Variants in ROBO1 observed in about 807,000 individuals in gnomAD.
ROBO1 encodes roundabout guidance receptor 1, also known as roundabout homolog 1.
A neutral mutation model predicts 195.9 loss-of-function variants in ROBO1; 149 were observed. That is an observed-to-expected ratio of 0.76 (90% CI 0.67 to 0.87). ROBO1 has a LOEUF of 0.87. Among genes scored for constraint, ROBO1 ranks in the 40% least tolerant of loss-of-function variants. The pLI is 0.00. For synonymous variants in ROBO1, 816 were observed against 733.2 expected (o/e 1.11, Z -1.82); for missense variants, 1,933 against 2,068.3 (o/e 0.93, Z 1.27).
intron 2 of ROBO1, among the ~76,000 whole-genome samples, chr3:79,466,884 G>T (rs1937988320): frequency 6.6e-6 from 1 of 152,176 alleles, no homozygotes; most frequent in South Asian, 2.1e-4. Context: ...TTCAGGAACT[G>T]ATTGGAATAT....
intron 2 of ROBO1, among the ~76,000 whole-genome samples, chr3:79,409,626 C>T (rs1443798566): frequency 6.6e-6 from 1 of 152,108 alleles, no homozygotes; most frequent in Admixed American, 6.6e-5. Context: ...CACTGAAACT[C>T]TTCACTGCAA....
At chr3:79,377,155 C>G (rs1206626540) in intron 2 of ROBO1, among the ~76,000 whole-genome samples, 2 of 151,894 alleles carry the variant, frequency 1.3e-5, no homozygotes, top group Non-Finnish European at 2.9e-5. Flanking sequence ...TTATTTTCAT[C>G]TTTATATTGT....
intron 4 of ROBO1, among the ~76,000 whole-genome samples, chr3:78,869,723 T>A (rs2035434943): frequency 6.6e-6 from 1 of 152,084 alleles, no homozygotes; most frequent in South Asian, 2.1e-4. Context: ...CCTCCTTAAG[T>A]GCTGGGGTTA....
rs563677106 is a variant in ROBO1, at chr3:79,587,458, A to T, written c.88+2366T>A. Among the ~76,000 whole-genome samples the T allele has an allele frequency of 5.3e-5, 8 of 151,956 alleles. No individual in the cohort carries two copies. The South Asian group carries it at 1.7e-3, about 31-fold the overall frequency. ...CTGATGATAACTCACTGAGTCAAGTACTACAGAATATAAAATTCTCCTTAT... is the reference window on the plus strand; with the variant it reads ...CTGATGATAACTCACTGAGTCAAGTTCTACAGAATATAAAATTCTCCTTAT... On this transcript the variant is annotated intron_variant, in intron 2 of 30. Transcript: ENST00000464233.
At chr3:79,513,393 T>C (rs1454794574) in intron 2 of ROBO1, among the ~76,000 whole-genome samples, 1 of 151,918 alleles carries the variant, frequency 6.6e-6, no homozygotes, top group East Asian at 1.9e-4. Flanking sequence ...TAAAAAGCAA[T>C]CTTTATGTTC....
At chr3:79,484,218 T>G (rs1257270373) in intron 2 of ROBO1, among the ~76,000 whole-genome samples, 1 of 152,150 alleles carries the variant, frequency 6.6e-6, no homozygotes, top group Non-Finnish European at 1.5e-5. Context: ...TGATACATGT[T>G]TAAAGTGATC....
intron 2 of ROBO1, among the ~76,000 whole-genome samples, chr3:79,327,901 G>A (rs2034279453): frequency 6.6e-6 from 1 of 152,038 alleles, no homozygotes; most frequent in African/African-American, 2.4e-5. Context: ...GAGTATTAAG[G>A]ATCTGATCAT....
chr3:79,280,174 T>G (rs1028533605), intron 2 of ROBO1, among the ~76,000 whole-genome samples: 1 of 152,152 alleles, frequency 6.6e-6, no homozygotes, highest in Non-Finnish European at 1.5e-5. Flanking sequence ...TACATTCTAT[T>G]GTTCTATAGC....
intron 3 of ROBO1, among the ~76,000 whole-genome samples, chr3:79,032,912 G>A (rs1014284734): frequency 6.6e-6 from 1 of 151,926 alleles, no homozygotes; most frequent in Non-Finnish European, 1.5e-5. Flanking sequence ...GCCCTCTGCT[G>A]GCTGGAAAAT....
At position 79,484,755 on chromosome 3, in the gene ROBO1, C is replaced by T. The variant is rs373346185; in HGVS notation, c.88+105069G>A. 6.3e-3 allele frequency among the ~76,000 whole-genome samples: 420 copies of T among 66,846 alleles called. 3 individuals are homozygous for T. The highest frequency in any genetic ancestry group is 0.012 in the South Asian group (15 of 1,254). 43.9% of individuals were successfully genotyped at this position (66,846 alleles called of 152,430 possible). ...TTATACACCACTATCATTGCACTAT[C>T]TTTTTTTTTTTTTTTTTGAGACAGA... On this transcript the variant is annotated intron_variant, in intron 2 of 30. Transcript: ENST00000464233.
chr3:78,679,153 T>C (rs1355921229), intron 10 of ROBO1, among the ~76,000 whole-genome samples: 1 of 152,048 alleles, frequency 6.6e-6, no homozygotes, highest in South Asian at 2.1e-4. Flanking sequence ...TCTCAATAAA[T>C]TAGGTATTGA....
intron 2 of ROBO1, among the ~76,000 whole-genome samples, chr3:79,467,008 T>G (rs1317139266): frequency 6.6e-6 from 1 of 152,064 alleles, no homozygotes; most frequent in Admixed American, 6.5e-5. Context: ...AGGCTAGTAA[T>G]ACCAACCCAA....
chr3:79,085,906 T>C (rs1396650831), intron 3 of ROBO1, among the ~76,000 whole-genome samples: 1 of 152,152 alleles, frequency 6.6e-6, no homozygotes, highest in Non-Finnish European at 1.5e-5. Context: ...ATATTCTCTA[T>C]AAGCAAAGCC....
intron 2 of ROBO1, among the ~76,000 whole-genome samples, chr3:79,154,117 T>C (rs1210950167): frequency 1.3e-5 from 2 of 151,944 alleles, no homozygotes; most frequent in African/African-American, 2.4e-5. Flanking sequence ...GACACTGTAA[T>C]TGTCTTGTAA....
chr3:78,639,618 A>C (rs527563143), intron 22 of ROBO1, 126 bp downstream of exon 22: 7 of 870,284 alleles, frequency 8.0e-6, no homozygotes, highest in Non-Finnish European at 1.2e-5. Flanking sequence ...TTGCTAAACA[A>C]TAGTCAGCAT....
At chr3:79,499,495 A>G (rs1460507387) in intron 2 of ROBO1, among the ~76,000 whole-genome samples, 2 of 152,200 alleles carry the variant, frequency 1.3e-5, no homozygotes, top group Non-Finnish European at 2.9e-5. Context: ...TTTCAATTTC[A>G]TATTTTACAT....
chr3:78,806,759 T>G (rs2084553969), intron 4 of ROBO1, among the ~76,000 whole-genome samples: 1 of 152,146 alleles, frequency 6.6e-6, no homozygotes. Flanking sequence ...TAGGACAATG[T>G]AATATTCTAC....
At chr3:79,550,152 G>GAAAGAAAGAAAGAAAGAAAGAAAGA (rs1942425032) in intron 2 of ROBO1, among the ~76,000 whole-genome samples, 1 of 91,084 alleles carries the variant, frequency 1.1e-5, no homozygotes, top group African/African-American at 6.6e-5. Flanking sequence ...AAAAAGAAAG[G>GAAAGAAAGAAAGAAAGAAAGAAAGA]AAGAAAGAAA....
chr3:79,574,191 T>C (rs958270738), intron 2 of ROBO1, among the ~76,000 whole-genome samples: 17 of 152,098 alleles, frequency 1.1e-4, no homozygotes, highest in Admixed American at 2.0e-4. Context: ...TATCTCTGAG[T>C]CTATCAGACA....
Sources: gnomAD v4.1 joint callset for allele counts (sites outside exome capture counted in the v4.1 genomes callset) on GRCh38, gnomAD v4.1.1 for gene constraint, MANE v1.5 for transcripts, NCBI Gene and HGNC (gene_info 2026-07-23, HGNC 2026-07-21) for gene names.